UBAP2: variants seen among roughly 807,000 people sequenced by gnomAD.
UBAP2 encodes ubiquitin associated protein 2.
In UBAP2, 75 loss-of-function variants were observed where a neutral mutation model predicts 139.6. The ratio of observed to expected loss-of-function variants is 0.54; its 90% CI spans 0.45 to 0.65. The LOEUF is 0.65. UBAP2 is among the 30% of genes least tolerant of loss of function. The probability of loss-of-function intolerance (pLI) is 0.00; values close to 1 mark genes in which losing one functional copy is unlikely to be tolerated. For synonymous variants in UBAP2, 526 were observed against 526.2 expected, an observed-to-expected ratio of 1.00 and a Z score of 0.01; for missense variants, 1,368 against 1,369.6, an observed-to-expected ratio of 1.00 and a Z score of 0.02.
intron 5 of UBAP2, 92 bp downstream of exon 5, chr9:33,988,881 A>G: frequency 7.1e-7 from 1 of 1,403,390 alleles, no homozygotes; most frequent in Middle Eastern, 1.8e-4. Context: ...GCAGTGACTC[A>G]TGCCTGTAAT....
At chr9:34,001,255 A>G (rs139816798) in intron 2 of UBAP2, among the ~76,000 whole-genome samples, 2 of 152,356 alleles carry the variant, frequency 1.3e-5, no homozygotes, top group East Asian at 3.9e-4. Flanking sequence ...GAAAGAATAT[A>G]TAAGTAGGAT....
chr9:34,010,427 TAAAAA>T (rs57695373), intron 2 of UBAP2, among the ~76,000 whole-genome samples: 20 of 108,320 alleles, frequency 1.8e-4, no homozygotes, highest in East Asian at 2.7e-4. Flanking sequence ...CTCTGCCTCA[TAAAAA>T]AAAAAAAAAA....
intron 2 of UBAP2, among the ~76,000 whole-genome samples, chr9:34,002,398 A>G (rs1335620229): frequency 1.8e-5 from 1 of 54,544 alleles, no homozygotes; most frequent in Non-Finnish European, 3.5e-5. Flanking sequence ...TTTTTTTTTG[A>G]GACAGAGTCT....
intron 6 of UBAP2, among the ~76,000 whole-genome samples, chr9:33,979,543 C>G (rs1820454701): frequency 6.6e-6 from 1 of 151,386 alleles, no homozygotes; most frequent in Non-Finnish European, 1.5e-5. Flanking sequence ...CCATCGCACT[C>G]CAGCCAGGGC....
intron 17 of UBAP2, 96 bp from the exon 18 acceptor site, chr9:33,933,724 A>C: frequency 6.5e-6 from 10 of 1,529,706 alleles, no homozygotes; most frequent in Non-Finnish European, 8.9e-6. Flanking sequence ...GTGACATGTC[A>C]GCCTCAGTTG....
At chr9:33,991,287 C>A (rs550963708) in intron 4 of UBAP2, among the ~76,000 whole-genome samples, 3 of 143,530 alleles carry the variant, frequency 2.1e-5, no homozygotes, top group East Asian at 4.0e-4. Context: ...GGTGACAGAG[C>A]GAGACTCTGT....
intron 19 of UBAP2, among the ~76,000 whole-genome samples, chr9:33,931,102 C>G (rs1823942505): frequency 6.6e-6 from 1 of 152,142 alleles, no homozygotes; most frequent in Admixed American, 6.5e-5. Flanking sequence ...CCCTGAACAA[C>G]ACAGGCTTGA....
rs995299012 is a variant in UBAP2 at position 33,948,459 on chromosome 9, C to T, written c.1185G>A (p.Gln395=). The T allele has an allele frequency of 3.1e-6, 5 of 1,614,062 alleles. No homozygotes were observed. Among genetic ancestry groups the T allele is most frequent in the African/African-American group, 1.3e-5 (1 of 74,920 alleles). Residue 395 remains glutamine (Q), a synonymous_variant, in exon 13 of 29, where the codon CAG becomes CAA. Coordinates refer to ENST00000379238, the MANE Select transcript of UBAP2 (RefSeq NM_001370062.2). ...TTGTAGGGTGACTTGTACTATTCTG[C>T]TGTGTACTTGGGGTGGTGGTAAACT... ...LGQFTTTPST[Q]QNSTSHPTTT...
In UBAP2 at chr9:33,948,591, T is replaced by C. The variant is rs772090679; in HGVS notation, c.1057-4A>G. 3 of 1,613,390 alleles carry C rather than the reference T, an allele frequency of 1.9e-6. No individual in the cohort carries two copies. In the East Asian group the frequency reaches 6.7e-5, roughly 36 times the overall value. On this transcript the variant is annotated splice_region_variant and splice_polypyrimidine_tract_variant and intron_variant, in intron 12 of 28. Coordinates refer to ENST00000379238, the MANE Select transcript of UBAP2 (RefSeq NM_001370062.2). ...ATCCTGAGCCAAGGACGGATGACTT[T>C]AAAAGGGGGATAAAAGAACAAATCC...
intron 6 of UBAP2, among the ~76,000 whole-genome samples, chr9:33,978,017 A>T (rs544957562): frequency 0.12 from 11,095 of 95,326 alleles, 583 homozygotes; most frequent in Non-Finnish European, 0.17. Context: ...TCTGTCTTTT[A>T]AAAAAAAAAA....
rs753287356 is a variant in UBAP2, at chr9:33,963,811, T to C, written c.680-20A>G. 1.3e-6 allele frequency: 2 copies of C among 1,586,320 alleles called. No homozygotes were observed. The highest frequency in any genetic ancestry group is 1.7e-6 in the Non-Finnish European group (2 of 1,155,170). On this transcript the variant is annotated intron_variant, in intron 8 of 28. Coordinates refer to ENST00000379238, the MANE Select transcript of UBAP2 (RefSeq NM_001370062.2). ...CCAGTTCTGTGGACCAATGTAAAAT[T>C]GAGGGTTTAAACATATGAAAAGAAT...
chr9:33,980,227 T>TTTC (rs1386181881), intron 6 of UBAP2, among the ~76,000 whole-genome samples: 1 of 77,796 alleles, frequency 1.3e-5, no homozygotes, highest in East Asian at 4.5e-4. Context: ...TTTCTTTTTT[T>TTTC]TTTTTTTTTT....
At chr9:33,933,793 T>C in intron 17 of UBAP2, 165 bp from the exon 18 acceptor site, 2 of 476,094 alleles carry the variant, frequency 4.2e-6, no homozygotes, top group South Asian at 9.0e-5. Flanking sequence ...AGATAGCCCT[T>C]TGTCTGTCAA....
intron 7 of UBAP2, 116 bp downstream of exon 7, chr9:33,973,058 CTCTTTAAGT>C: frequency 1.2e-6 from 1 of 821,808 alleles, no homozygotes; most frequent in East Asian, 2.5e-5. Context: ...ATTTGTAAAT[CTCTTTAAGT>C]ATAGAAAACA....
intron 13 of UBAP2, among the ~76,000 whole-genome samples, chr9:33,947,988 A>G (rs1825784853): frequency 6.6e-6 from 1 of 151,366 alleles, no homozygotes; most frequent in African/African-American, 2.4e-5. Flanking sequence ...TCTCAAAAAA[A>G]AAAAAAAAAA....
intron 21 of UBAP2, 34 bp downstream of exon 21, chr9:33,926,955 G>C (rs1437594745): frequency 6.2e-7 from 1 of 1,604,468 alleles, no homozygotes; most frequent in African/African-American, 1.3e-5. Flanking sequence ...GGCCAGGGGA[G>C]CTGGGCAGGC....
In UBAP2 at chr9:33,943,592, GA is replaced by G. The variant is rs758836291; in HGVS notation, c.1546-4del. On this transcript the variant is annotated splice_region_variant and splice_polypyrimidine_tract_variant and intron_variant, in intron 14 of 28. Coordinates refer to ENST00000379238, the MANE Select transcript of UBAP2 (RefSeq NM_001370062.2). ...ATTTCCACTGCAGAAGCTGGGATCT[GA>G]AAAAGCAAAGCTGTCGTGTCAGGAA... 2 of 1,613,536 alleles carry G rather than the reference GA, an allele frequency of 1.2e-6. No homozygotes were observed. Among genetic ancestry groups the G allele is most frequent in the Non-Finnish European group, 1.7e-6 (2 of 1,179,884 alleles).
At chr9:33,969,407 T>G (rs1827722010) in intron 8 of UBAP2, among the ~76,000 whole-genome samples, 1 of 152,080 alleles carries the variant, frequency 6.6e-6, no homozygotes, top group Non-Finnish European at 1.5e-5. Flanking sequence ...ATTCACCCAG[T>G]GCAGTGGTGT....
chr9:34,005,080 T>C (rs1042938258), intron 2 of UBAP2, among the ~76,000 whole-genome samples: 1 of 151,652 alleles, frequency 6.6e-6, no homozygotes, highest in Admixed American at 6.6e-5. Flanking sequence ...CTGGCCAACA[T>C]GGTGAAACCC....
Sources: gnomAD v4.1 joint callset for allele counts (sites outside exome capture counted in the v4.1 genomes callset) on GRCh38, gnomAD v4.1.1 for gene constraint, MANE v1.5 for transcripts, NCBI Gene and HGNC (gene_info 2026-07-23, HGNC 2026-07-21) for gene names.